The following PHKA1 variants were observed in gnomAD, a reference collection of about 807,000 sequenced individuals.
The protein encoded by PHKA1 is phosphorylase b kinase regulatory subunit alpha, skeletal muscle isoform.
PHKA1 carries 60 observed loss-of-function variants against 110.2 expected under a neutral mutation model. The ratio of observed to expected loss-of-function variants is 0.54; its 90% CI spans 0.44 to 0.68. The LOEUF (loss-of-function observed/expected upper bound fraction) is 0.68, where lower values mean the gene tolerates loss of function less well. Ranked by LOEUF, PHKA1 falls within the 30% of genes least tolerant of loss-of-function variation. The pLI is 0.00. For missense variants in PHKA1, 801 were observed against 942.5 expected (o/e 0.85, Z 1.97); for synonymous variants, 316 against 333.6 (o/e 0.95, Z 0.58).
chrX:72,600,700 T>TA (rs1307554855), intron 28 of PHKA1, among the ~76,000 whole-genome samples: 5 of 110,918 alleles, frequency 4.5e-5, no homozygotes, highest in South Asian at 3.8e-4. Flanking sequence ...TAATTCCTTT[T>TA]AAAAAAACCA....
chrX:72,694,696 A>G (rs1289772387), intron 4 of PHKA1, among the ~76,000 whole-genome samples: 1 of 112,188 alleles, frequency 8.9e-6, no homozygotes, highest in Non-Finnish European at 1.9e-5. Flanking sequence ...TCAGGAATCA[A>G]TAAACATTTG....
At chrX:72,614,000 T>A (rs1414502454) in intron 21 of PHKA1, among the ~76,000 whole-genome samples, 2 of 111,825 alleles carry the variant, frequency 1.8e-5, no homozygotes, top group Non-Finnish European at 3.8e-5. Context: ...ACCTGAGAAC[T>A]CAATAAAATT....
chrX:72,602,159 T>C lies in PHKA1; in HGVS notation c.3032A>G (p.Gln1011Arg). The C allele has an allele frequency of 8.5e-7, 1 of 1,178,125 alleles. No individual in the cohort carries two copies. Among genetic ancestry groups the C allele is most frequent in the Non-Finnish European group, 1.2e-6 (1 of 865,209 alleles). ...CTAATCTCCCAGGTAGTATCTTACC[T>C]GCTTTATCTCACTTTTTAACTGCAT... ...GIMQLKSEIKQVEFRRLSISA... is the reference protein window; with the variant it reads ...GIMQLKSEIKRVEFRRLSISA... The change falls in exon 27 of 32, where the codon CAG (glutamine) becomes CGG (arginine). Residue 1011 changes from glutamine to arginine, a missense_variant and splice_region_variant. Physicochemically the swap from Gln to Arg is conservative, Grantham distance 43. Around this residue, in one of 2 missense-constraint regions of PHKA1, gnomAD observed 502 missense variants for 519.2 expected, o/e 0.97. Coordinates refer to ENST00000373542, the MANE Select transcript of PHKA1 (RefSeq NM_002637.4).
At chrX:72,584,947 TGTGTCCAA>T (rs1445926943) in intron 29 of PHKA1, among the ~76,000 whole-genome samples, 2 of 86,098 alleles carry the variant, frequency 2.3e-5, no homozygotes, top group Non-Finnish European at 4.3e-5. Flanking sequence ...TTCCCCATCC[TGTGTCCAA>T]GTGTTCCCAT....
intron 5 of PHKA1, among the ~76,000 whole-genome samples, chrX:72,683,620 C>G (rs1329680212): frequency 3.6e-5 from 4 of 112,212 alleles, no homozygotes; most frequent in African/African-American, 9.7e-5. Context: ...TCCTCATACT[C>G]TTCTGTAATT....
chrX:72,596,242 C>A (rs1457205954), intron 28 of PHKA1, among the ~76,000 whole-genome samples: 2 of 111,414 alleles, frequency 1.8e-5, no homozygotes, highest in Non-Finnish European at 3.8e-5. Flanking sequence ...GTATCTGAAA[C>A]AGCCAAACTC....
intron 10 of PHKA1, 145 bp downstream of exon 10, chrX:72,655,975 A>G: frequency 1.5e-6 from 1 of 670,461 alleles, no homozygotes; most frequent in Non-Finnish European, 2.3e-6. Flanking sequence ...TTTTACTCTT[A>G]GTGCCCTCAA....
At chrX:72,681,360 TC>T (rs2053862616) in intron 5 of PHKA1, among the ~76,000 whole-genome samples, 1 of 109,781 alleles carries the variant, frequency 9.1e-6, no homozygotes, top group African/African-American at 3.3e-5. Flanking sequence ...GAGGAGCCTC[TC>T]CGCCCGGCAG....
intron 4 of PHKA1, among the ~76,000 whole-genome samples, chrX:72,687,679 A>G (rs2053983360): frequency 9.0e-6 from 1 of 111,070 alleles, no homozygotes; most frequent in Non-Finnish European, 1.9e-5. Context: ...TTTGCTCAGC[A>G]TTAAACTTTA....
intron 16 of PHKA1, among the ~76,000 whole-genome samples, chrX:72,632,520 C>A (rs150126226): frequency 0.013 from 1,465 of 111,433 alleles, 16 homozygotes; most frequent in African/African-American, 0.034. Flanking sequence ...TTTACATATT[C>A]TTTTCTTCCA....
intron 31 of PHKA1, among the ~76,000 whole-genome samples, chrX:72,581,981 A>C (rs529046180): frequency 8.9e-6 from 1 of 112,502 alleles, no homozygotes; most frequent in East Asian, 2.8e-4. Context: ...CTATAGGTGA[A>C]TAGCAAAAGC....
chrX:72,666,383 T>C (rs2053615993), intron 7 of PHKA1, 86 bp from the exon 8 acceptor site: 2 of 799,745 alleles, frequency 2.5e-6, no homozygotes, highest in African/African-American at 4.1e-5. Context: ...ATGATATCAC[T>C]TTTGAATATG....
At chrX:72,671,624 G>A (rs2053700734) in intron 6 of PHKA1, among the ~76,000 whole-genome samples, 1 of 111,345 alleles carries the variant, frequency 9.0e-6, no homozygotes, top group Non-Finnish European at 1.9e-5. Context: ...AGCCCGCGTC[G>A]CCAAGTCAAT....
chrX:72,706,278 C>T (rs1278351097), intron 2 of PHKA1, among the ~76,000 whole-genome samples: 1 of 111,587 alleles, frequency 9.0e-6, no homozygotes, highest in African/African-American at 3.3e-5. Context: ...CCTCCCCTTA[C>T]AGATCAAAAG....
At chrX:72,586,599 T>C (rs1173010712) in intron 29 of PHKA1, among the ~76,000 whole-genome samples, 1 of 110,940 alleles carries the variant, frequency 9.0e-6, no homozygotes, top group East Asian at 2.9e-4. Context: ...CTGACAGAAG[T>C]AGGCTTCAGA....
At chrX:72,623,410 T>A in intron 17 of PHKA1, 135 bp from the exon 18 acceptor site, 1 of 482,059 alleles carries the variant, frequency 2.1e-6, no homozygotes, top group Non-Finnish European at 3.5e-6. Flanking sequence ...ATAAATTTTA[T>A]AAAAATAAAA....
intron 21 of PHKA1, among the ~76,000 whole-genome samples, chrX:72,614,287 A>AAG (rs35637733): frequency 0.069 from 7,598 of 109,720 alleles, 829 homozygotes; most frequent in East Asian, 0.66. Flanking sequence ...ATCAACGTGA[A>AAG]AGAGAGAGAG....
Position 72,711,106 on chromosome X carries a change from C to A in PHKA1, c.237+1673G>T, listed in dbSNP as rs149110593. Among the ~76,000 whole-genome samples the A allele has an allele frequency of 3.4e-3, 374 of 109,353 alleles. 5 individuals carry two copies. The highest frequency in any genetic ancestry group is 0.026 in the East Asian group (89 of 3,427). 95.0% of individuals were successfully genotyped at this position (109,353 alleles called of 115,157 possible). On this transcript the variant is annotated intron_variant, in intron 2 of 31. Coordinates refer to ENST00000373542, the MANE Select transcript of PHKA1 (RefSeq NM_002637.4). ...TCGATCTCCTGACCTCGTGATCCGCCCGCCTCGGCCTCCCAAAGTGCTGGG... is the reference window on the plus strand; with the variant it reads ...TCGATCTCCTGACCTCGTGATCCGCACGCCTCGGCCTCCCAAAGTGCTGGG...
At chrX:72,652,930 G>A (rs1471851176) in intron 11 of PHKA1, among the ~76,000 whole-genome samples, 1 of 111,310 alleles carries the variant, frequency 9.0e-6, no homozygotes, top group African/African-American at 3.3e-5. Context: ...TGCTGCTGAT[G>A]TTGCTGGGAG....
Sources: allele counts gnomAD v4.1 joint callset (sites outside exome capture counted in the v4.1 genomes callset), GRCh38; gene constraint gnomAD v4.1.1; regional missense constraint gnomAD v4.1.1; transcripts MANE v1.5; gene names NCBI Gene and HGNC (gene_info 2026-07-23, HGNC 2026-07-21).